The following TNNT3 variants were observed in gnomAD, a reference collection of about 807,000 sequenced individuals.
The protein encoded by TNNT3 is troponin T3, fast skeletal type, also known as troponin T, fast skeletal muscle.
A neutral mutation model predicts 54.2 loss-of-function variants in TNNT3; 36 were observed. The observed-to-expected ratio is 0.66, with a 90% CI of 0.51 to 0.88. TNNT3 has a LOEUF of 0.88. Among genes scored for constraint, TNNT3 ranks in the 40% least tolerant of loss-of-function variants. TNNT3 has a pLI of 0.00. For missense variants in TNNT3, 291 were observed against 331.6 expected (o/e 0.88, Z 0.95); for synonymous variants, 120 against 109.7 (o/e 1.09, Z -0.59).
At chr11:1,935,644 C>T (rs1162484526) in intron 14 of TNNT3, 7 of 172,254 alleles carry the variant, frequency 4.1e-5, no homozygotes, top group Non-Finnish European at 8.8e-5. Context: ...GGGTGAGGGG[C>T]GCAGCCATGG....
At chr11:1,934,238 G>C in intron 11 of TNNT3, 94 bp from the exon 12 acceptor site, 1 of 1,240,502 alleles carries the variant, frequency 8.1e-7, no homozygotes. Flanking sequence ...GGCCCTTCCA[G>C]ACAGCTCTAA....
chr11:1,923,602 C>CA (rs758500654), intron 4 of TNNT3, 30 bp downstream of exon 4: 1 of 1,559,098 alleles, frequency 6.4e-7, no homozygotes, highest in South Asian at 1.1e-5. Flanking sequence ...GAAGCCCCCC[C>CA]AGCCCCTCCT....
chr11:1,924,960 T>G, intron 4 of TNNT3, 139 bp from the exon 5 acceptor site: 1 of 914,702 alleles, frequency 1.1e-6, no homozygotes, highest in South Asian at 1.4e-5. Flanking sequence ...CTTTCACCCC[T>G]GCCAAGCGAG....
In TNNT3 at chr11:1,928,910, A is replaced by T. The variant is rs990114489; in HGVS notation, c.83-210A>T. On this transcript the variant is annotated intron_variant, in intron 6 of 15. Transcript: ENST00000278317. Reference sequence around the variant, plus strand: ...CTTCCAGGCAGGAGCTCCACTGGGCACCCAGCCCCTTCCACCCCCTCCCCA... The same window carrying T: ...CTTCCAGGCAGGAGCTCCACTGGGCTCCCAGCCCCTTCCACCCCCTCCCCA... 1.1e-5 allele frequency: 7 copies of T among 625,206 alleles called. No homozygotes were observed. The African/African-American group carries it at 1.3e-4, about 12-fold the overall frequency. The allele number at this position is 625,206 out of a possible 1,614,324, so 38.7% of individuals were successfully genotyped here. A position where few individuals can be genotyped will look rare whatever the true frequency, so the allele number is the denominator to read the frequency against.
chr11:1,937,368 T>C (rs1855435461), intron 15 of TNNT3, among the ~76,000 whole-genome samples: 1 of 152,086 alleles, frequency 6.6e-6, no homozygotes, highest in African/African-American at 2.4e-5. Context: ...CCCCAGGGTA[T>C]CCCGCCAGTG....
At chr11:1,934,945 G>GGGCCCTAGC (rs1448995635) in intron 14 of TNNT3, 26 bp downstream of exon 14, 3 of 1,607,910 alleles carry the variant, frequency 1.9e-6, no homozygotes, top group Non-Finnish European at 2.6e-6. Flanking sequence ...TCCGGCCCTG[G>GGGCCCTAGC]GGCCCTAGCG....
chr11:1,933,183 C>T (rs1853951364), intron 9 of TNNT3, among the ~76,000 whole-genome samples: 1 of 146,176 alleles, frequency 6.8e-6, no homozygotes, highest in Admixed American at 6.8e-5. Flanking sequence ...CACCCACCAT[C>T]CACGCATCCT....
chr11:1,931,682 AT>A (rs920183599), intron 8 of TNNT3, among the ~76,000 whole-genome samples: 4 of 132,368 alleles, frequency 3.0e-5, no homozygotes, highest in Admixed American at 7.3e-5. Flanking sequence ...TTTGCTGAAA[AT>A]TTTTTTTAGT....
chr11:1,920,738 G>A (rs576343615), intron 1 of TNNT3, among the ~76,000 whole-genome samples: 5 of 152,246 alleles, frequency 3.3e-5, no homozygotes, highest in African/African-American at 9.6e-5. Flanking sequence ...TTATTTTCAC[G>A]CAGCCCCTCC....
intron 1 of TNNT3, 48 bp from the exon 2 acceptor site, chr11:1,922,807 ACT>A: frequency 2.5e-6 from 4 of 1,575,106 alleles, no homozygotes; most frequent in East Asian, 2.2e-5. Flanking sequence ...GCAGCTCGTA[ACT>A]CTCTTTCCAT....
At chr11:1,924,446 G>C (rs1324705465) in intron 4 of TNNT3, among the ~76,000 whole-genome samples, 2 of 152,258 alleles carry the variant, frequency 1.3e-5, no homozygotes, top group African/African-American at 4.8e-5. Flanking sequence ...AGGCAGGGCT[G>C]TCCTGTGAGG....
intron 8 of TNNT3, among the ~76,000 whole-genome samples, chr11:1,931,726 T>TG (rs1178803554): frequency 1.3e-5 from 2 of 151,646 alleles, no homozygotes; most frequent in African/African-American, 2.4e-5. Context: ...TTCCGTTTTT[T>TG]TTTTTTTTTT....
intron 8 of TNNT3, 105 bp downstream of exon 8, chr11:1,929,933 GT>G (rs1269372208): frequency 6.3e-6 from 9 of 1,435,392 alleles, no homozygotes; most frequent in Non-Finnish European, 8.6e-6. Flanking sequence ...GTGTTCTGGG[GT>G]GGCGGTGGCC....
intron 1 of TNNT3, among the ~76,000 whole-genome samples, chr11:1,920,760 T>C (rs1192460168): frequency 3.9e-5 from 6 of 152,174 alleles, no homozygotes; most frequent in Non-Finnish European, 8.8e-5. Flanking sequence ...AGGCAGGCAC[T>C]AACTGGACAC....
chr11:1,923,145 C>A (rs983414793), intron 3 of TNNT3, 84 bp downstream of exon 3: 2 of 1,573,518 alleles, frequency 1.3e-6, no homozygotes, highest in African/African-American at 2.7e-5. Flanking sequence ...TGTGCATACC[C>A]TGTGTCCCCT....
intron 1 of TNNT3, among the ~76,000 whole-genome samples, chr11:1,921,026 C>T (rs1849994123): frequency 6.6e-6 from 1 of 152,086 alleles, no homozygotes; most frequent in Non-Finnish European, 1.5e-5. Flanking sequence ...TGTTGGGGCA[C>T]CCATGTGACT....
Position 1,926,556 on chromosome 11 carries a change from G to A in TNNT3, c.68-139G>A, listed in dbSNP as rs942414742. ...GTGCAGGACCCAAGAAGGAACAAGA[G>A]GGGCCGCGTAACCCTGCACAGCCTG... On this transcript the variant is annotated intron_variant, in intron 5 of 15. Transcript: ENST00000278317. The A allele has an allele frequency of 1.9e-6, 3 of 1,610,818 alleles. No homozygotes were observed. The East Asian group carries it at 6.7e-5, about 36-fold the overall frequency.
chr11:1,935,942 G>A (rs1022817494), intron 14 of TNNT3, among the ~76,000 whole-genome samples: 3 of 152,136 alleles, frequency 2.0e-5, no homozygotes, highest in African/African-American at 7.2e-5. Flanking sequence ...TCCCCAGGGG[G>A]TCCAGGCATG....
intron 14 of TNNT3, chr11:1,936,367 T>A: frequency 1.6e-6 from 2 of 1,215,654 alleles, no homozygotes; most frequent in Non-Finnish European, 2.4e-6. Context: ...GCAGGGGGCC[T>A]GGAGCCTTCC....
Sources: allele counts gnomAD v4.1 joint callset (sites outside exome capture counted in the v4.1 genomes callset), GRCh38; gene constraint gnomAD v4.1.1; transcripts MANE v1.5; gene names NCBI Gene and HGNC (gene_info 2026-07-23, HGNC 2026-07-21).